The following DNAH7 variants were observed in gnomAD, a reference collection of about 807,000 sequenced individuals.
The protein encoded by DNAH7 is axonemal beta dynein heavy chain 7.
DNAH7 carries 397 observed loss-of-function variants against 444.6 expected under a neutral mutation model. The ratio of observed to expected loss-of-function variants is 0.89; its 90% CI spans 0.82 to 0.97. The LOEUF is 0.97. Among genes scored for constraint, DNAH7 ranks in the 50% least tolerant of loss-of-function variants. The pLI is 0.00. For synonymous variants in DNAH7, 1,636 were observed against 1,624.4 expected, an observed-to-expected ratio of 1.01 and a Z score of -0.17; for missense variants, 4,902 against 4,800.8, an observed-to-expected ratio of 1.02 and a Z score of -0.62.
intron 19 of DNAH7, among the ~76,000 whole-genome samples, chr2:195,942,048 C>A (rs563558946): frequency 6.6e-6 from 1 of 152,130 alleles, no homozygotes; most frequent in Admixed American, 6.6e-5. Context: ...ACAAAGATCC[C>A]AGCCTCCATG....
intron 63 of DNAH7, among the ~76,000 whole-genome samples, chr2:195,741,863 G>A (rs893097588): frequency 6.6e-6 from 1 of 152,106 alleles, no homozygotes; most frequent in African/African-American, 2.4e-5. Context: ...TAAGAGGCTG[G>A]TATTAGTAAG....
rs1228951751 is a variant in DNAH7 at position 195,861,925 on chromosome 2, G to C, written c.7528C>G (p.Gln2510Glu). 6.2e-7 allele frequency: 1 copy of C among 1,613,358 alleles called. No individual in the cohort carries two copies. The highest frequency in any genetic ancestry group is 8.5e-7 in the Non-Finnish European group (1 of 1,179,510). ...WFQSWPEDALQAVASRFLEEI... is the reference protein window; with the variant it reads ...WFQSWPEDALEAVASRFLEEI... ...TCCAAGAATCGTGAGGCAACTGCCT[G>C]GAGTGCATCTTCAGGCCATGACTAA... The change falls in exon 42 of 65, where the codon CAG becomes GAG. Residue 2510 changes from glutamine (Q) to glutamate (E), a missense_variant. Coordinates refer to ENST00000312428, the MANE Select transcript of DNAH7 (RefSeq NM_018897.3).
chr2:196,027,410 TTG>T (rs920417806), intron 6 of DNAH7, among the ~76,000 whole-genome samples: 1 of 151,960 alleles, frequency 6.6e-6, no homozygotes, highest in African/African-American at 2.4e-5. Flanking sequence ...ATAGCTGCTA[TTG>T]TGTGTGTTCA....
chr2:195,738,682 T>C (rs1185277904), intron 64 of DNAH7, among the ~76,000 whole-genome samples: 1 of 152,234 alleles, frequency 6.6e-6, no homozygotes, highest in Non-Finnish European at 1.5e-5. Context: ...TACAATTTGT[T>C]ATTAGACCTC....
intron 10 of DNAH7, among the ~76,000 whole-genome samples, chr2:196,009,369 A>T (rs192867134): frequency 2.7e-3 from 407 of 152,346 alleles, no homozygotes; most frequent in Non-Finnish European, 4.4e-3. Context: ...CAATAAAAAA[A>T]GAATAGCAAT....
chr2:195,897,058 A>G (rs1482800402), intron 29 of DNAH7, among the ~76,000 whole-genome samples: 2 of 152,158 alleles, frequency 1.3e-5, no homozygotes, highest in African/African-American at 4.8e-5. Flanking sequence ...TCCAACATCT[A>G]ACATTTAGGA....
chr2:195,763,752 A>G, intron 61 of DNAH7, among the ~76,000 whole-genome samples: 1 of 152,050 alleles, frequency 6.6e-6, no homozygotes. Context: ...CCCAGCAAAG[A>G]AAAGCCCAGG....
intron 5 of DNAH7, among the ~76,000 whole-genome samples, chr2:196,035,351 C>A (rs1196482822): frequency 2.0e-5 from 3 of 152,132 alleles, no homozygotes; most frequent in East Asian, 3.9e-4. Context: ...ATTGATATAA[C>A]CTGCAACCAT....
intron 57 of DNAH7, among the ~76,000 whole-genome samples, chr2:195,793,749 C>T (rs927188983): frequency 6.6e-6 from 1 of 152,138 alleles, no homozygotes; most frequent in Admixed American, 6.5e-5. Context: ...TCCTAAAGTT[C>T]ATAACCCCTC....
In DNAH7 at chr2:195,746,627, A is replaced by G. The variant is rs546757941; in HGVS notation, c.11765-5758T>C. ...CTGTCCTCAGCAAATGTAAAAGAAT[A>G]GAAATTATAACAAACTGTCTTTCAG... On this transcript the variant is annotated intron_variant, in intron 63 of 64. Coordinates refer to ENST00000312428, the MANE Select transcript of DNAH7 (RefSeq NM_018897.3). 6.4e-4 allele frequency among the ~76,000 whole-genome samples: 97 copies of G among 152,378 alleles called. 1 individual carries two copies. Among genetic ancestry groups the G allele is most frequent in the African/African-American group, 2.1e-3 (89 of 41,590 alleles).
intron 27 of DNAH7, chr2:195,901,944 GGTATA>G (rs1686739785): frequency 6.6e-6 from 1 of 152,074 alleles, no homozygotes; most frequent in Non-Finnish European, 1.5e-5. Context: ...TAAGAATTTA[GGTATA>G]GAATATTAGT....
At chr2:195,984,851 C>A in intron 14 of DNAH7, 141 bp from the exon 15 acceptor site, 1 of 718,856 alleles carries the variant, frequency 1.4e-6, no homozygotes, top group Non-Finnish European at 2.3e-6. Flanking sequence ...TAATTAAAAG[C>A]AAATTTGCAT....
intron 10 of DNAH7, 84 bp downstream of exon 10, chr2:196,012,703 A>G: frequency 7.4e-7 from 1 of 1,356,258 alleles, no homozygotes; most frequent in Non-Finnish European, 1.0e-6. Context: ...TTAAAATTGG[A>G]TCTTCTAAAA....
At chr2:196,025,151 A>G (rs1391593103) in intron 7 of DNAH7, among the ~76,000 whole-genome samples, 2 of 152,142 alleles carry the variant, frequency 1.3e-5, no homozygotes, top group Non-Finnish European at 2.9e-5. Flanking sequence ...AGATTTTGGT[A>G]TCTGTCAGGG....
chr2:196,051,583 T>C (rs973446751), intron 2 of DNAH7, among the ~76,000 whole-genome samples: 1 of 151,910 alleles, frequency 6.6e-6, no homozygotes, highest in South Asian at 2.1e-4. Flanking sequence ...CTGGCTAACA[T>C]GGTGAAACCC....
At chr2:195,899,193 T>C (rs1199219252) in intron 28 of DNAH7, among the ~76,000 whole-genome samples, 1 of 152,106 alleles carries the variant, frequency 6.6e-6, no homozygotes. Flanking sequence ...GAAGTCTCTT[T>C]TGTTCTTTGA....
intron 64 of DNAH7, among the ~76,000 whole-genome samples, chr2:195,739,227 C>CT (rs1464999278): frequency 6.6e-6 from 1 of 152,186 alleles, no homozygotes. Flanking sequence ...GTCCTTGAAA[C>CT]TTTCAATTTG....
chr2:195,859,429 A>G (rs1225996939), intron 42 of DNAH7, among the ~76,000 whole-genome samples: 1 of 152,186 alleles, frequency 6.6e-6, no homozygotes, highest in Non-Finnish European at 1.5e-5. Context: ...TAATATTTTA[A>G]TGTAGTCAAA....
At chr2:195,980,559 A>T (rs936401936) in intron 15 of DNAH7, among the ~76,000 whole-genome samples, 4 of 152,254 alleles carry the variant, frequency 2.6e-5, no homozygotes. Context: ...ATCAAAAAAT[A>T]GAAAACTTTA....
Sources: gnomAD v4.1 joint callset for allele counts (sites outside exome capture counted in the v4.1 genomes callset) on GRCh38, gnomAD v4.1.1 for gene constraint, MANE v1.5 for transcripts, NCBI Gene and HGNC (gene_info 2026-07-23, HGNC 2026-07-21) for gene names.